FAM199X: variants seen among roughly 807,000 people sequenced by gnomAD.
FAM199X encodes protein FAM199X.
Under a neutral mutation model 22.9 loss-of-function variants are expected in FAM199X, and 4 were observed. The ratio of observed to expected loss-of-function variants is 0.17; its 90% CI spans 0.09 to 0.40. The LOEUF is 0.40. Among genes scored for constraint, FAM199X ranks in the 10% least tolerant of loss-of-function variants. The pLI, the probability that FAM199X is intolerant of heterozygous loss-of-function variation, is 1.00. For synonymous variants in FAM199X, 101 were observed against 112.3 expected, an observed-to-expected ratio of 0.90 and a Z score of 0.64; for missense variants, 183 against 306.8, an observed-to-expected ratio of 0.60 and a Z score of 3.01.
In FAM199X at chrX:104,171,218, A is replaced by G. The variant is rs188062843; in HGVS notation, c.197+4236A>G. 5.4e-5 allele frequency among the ~76,000 whole-genome samples: 6 copies of G among 110,897 alleles called. No homozygotes were observed. The Admixed American group carries it at 5.8e-4, about 11-fold the overall frequency. ...ATACCATTGAAAGTCCTTAGTCTGT[A>G]TATTCTTGCTGAAACACCTTGCAGA... is the stretch of plus-strand genomic sequence containing the variant. On this transcript the variant is annotated intron_variant, in intron 1 of 5. Transcript: ENST00000493442.
Position 104,187,982 on chromosome X carries a change from T to C in FAM199X, c.730-58T>C, listed in dbSNP as rs1556379550. On this transcript the variant is annotated intron_variant, in intron 4 of 5. Coordinates refer to ENST00000493442, the MANE Select transcript of FAM199X (RefSeq NM_207318.4). ...GTACAATATTATTTTTCCCCCAGCATTTTGAAGGTAGAACATCAAGGTGCA... is the reference window on the plus strand; with the variant it reads ...GTACAATATTATTTTTCCCCCAGCACTTTGAAGGTAGAACATCAAGGTGCA... The C allele has an allele frequency of 5.2e-6, 6 of 1,161,948 alleles. No homozygotes were observed. The East Asian group carries it at 1.8e-4, about 35-fold the overall frequency.
At chrX:104,171,969 G>A (rs1921363382) in intron 1 of FAM199X, among the ~76,000 whole-genome samples, 1 of 111,754 alleles carries the variant, frequency 8.9e-6, no homozygotes, top group South Asian at 3.7e-4. Flanking sequence ...ACGTCTAGAT[G>A]TACATAGTAC....
chrX:104,182,063 A>T (rs1556378010), intron 2 of FAM199X, among the ~76,000 whole-genome samples: 1 of 100,082 alleles, frequency 1.0e-5, no homozygotes, highest in Non-Finnish European at 2.0e-5. Context: ...ATCTTGGCTC[A>T]CTGCAACCTC....
rs1556379637 is a variant in FAM199X, at chrX:104,188,262, A to G, written c.952A>G (p.Ser318Gly). ...CAACATGAGTCGAGCACACAGTGAC[A>G]GCAACCTGTCTGCAAGTGCAGCAGA... ...SANMSRAHSD[S>G]NLSASAAERI... Residue 318 changes from serine (S) to glycine (G), a missense_variant, in exon 5 of 6, where the codon AGC (serine) becomes GGC (glycine). By Grantham distance (56) the Ser-to-Gly change is moderately conservative. Transcript: ENST00000493442. The G allele has an allele frequency of 8.2e-7, 1 of 1,212,507 alleles. No homozygotes were observed. Among genetic ancestry groups the G allele is most frequent in the East Asian group, 3.0e-5 (1 of 33,877 alleles).
In FAM199X at chrX:104,194,208, C is replaced by G. The variant is rs1227914986; in HGVS notation, c.*4430C>G. On this transcript the variant is annotated 3_prime_UTR_variant, in exon 6 of 6. Coordinates refer to ENST00000493442, the MANE Select transcript of FAM199X (RefSeq NM_207318.4). ...CTCAGAAAAGCTTGTTTGATCTTCT[C>G]TAAATTCTGTATGTAGTACTTTTTT... 9.0e-6 allele frequency: 1 copy of G among 111,339 alleles called. No homozygotes were observed. Among genetic ancestry groups the G allele is most frequent in the African/African-American group, 3.3e-5 (1 of 30,708 alleles). The allele number at this position is 111,339 out of a possible 1,213,427, so 9.2% of individuals were successfully genotyped here.
chrX:104,159,005 C>A, the FAM199X span, among the ~76,000 whole-genome samples: 23 of 111,922 alleles, frequency 2.1e-4, no homozygotes, highest in African/African-American at 7.2e-4. Context: ...TGGGCTTGGC[C>A]AAATTTAAAA....
chrX:104,192,520 G>A lies in FAM199X; in HGVS notation c.*2742G>A, dbSNP rs1486783739. On this transcript the variant is annotated 3_prime_UTR_variant, in exon 6 of 6. Transcript: ENST00000493442. ...GAAACATTTTATTAGAGATCTTATA[G>A]TAGTATCTCAGTTCCTACTACAGCT... 2.7e-5 allele frequency: 3 copies of A among 111,298 alleles called. No individual in the cohort carries two copies. The highest frequency in any genetic ancestry group is 9.8e-5 in the African/African-American group (3 of 30,755). 9.2% of individuals were successfully genotyped at this position (111,298 alleles called of 1,213,427 possible). A position where few individuals can be genotyped will look rare whatever the true frequency, so the allele number is the denominator to read the frequency against.
At chrX:104,177,499 A>G (rs1401253469) in intron 2 of FAM199X, among the ~76,000 whole-genome samples, 1 of 112,046 alleles carries the variant, frequency 8.9e-6, no homozygotes, top group African/African-American at 3.2e-5. Context: ...GAATTGCTGG[A>G]TCATATGATC....
chrX:104,180,476 T>G (rs1451315832), intron 2 of FAM199X, among the ~76,000 whole-genome samples: 1 of 110,889 alleles, frequency 9.0e-6, no homozygotes, highest in East Asian at 2.8e-4. Context: ...TTTTAAATTT[T>G]AATTGCTGGC....
intron 2 of FAM199X, among the ~76,000 whole-genome samples, chrX:104,180,288 C>CTTTT (rs573175887): frequency 7.0e-5 from 5 of 71,220 alleles, no homozygotes; most frequent in Non-Finnish European, 1.4e-4. Flanking sequence ...GCCAGTGTCT[C>CTTTT]TTTTTTTTTT....
intron 5 of FAM199X, 116 bp downstream of exon 5, chrX:104,188,422 G>A: frequency 1.1e-6 from 1 of 905,805 alleles, no homozygotes; most frequent in Non-Finnish European, 1.6e-6. Flanking sequence ...GTGGGTTTTG[G>A]TCTTAATTGA....
At chrX:104,174,249 A>C (rs1271680918) in intron 1 of FAM199X, among the ~76,000 whole-genome samples, 2 of 111,346 alleles carry the variant, frequency 1.8e-5, no homozygotes, top group Non-Finnish European at 3.8e-5. Context: ...TTGAGGCTGC[A>C]GTGAGCTGTG....
Position 104,166,714 on chromosome X carries a change from G to A in FAM199X, c.-72G>A, listed in dbSNP as rs1333407203. ...AGCGTCGGCGACTGCGGACAGGTTA[G>A]AGTGGGGGCAGGGGCGGGCGCGGGA... is the stretch of plus-strand genomic sequence containing the variant. On this transcript the variant is annotated 5_prime_UTR_variant, in exon 1 of 6. Coordinates refer to ENST00000493442, the MANE Select transcript of FAM199X (RefSeq NM_207318.4). The A allele has an allele frequency of 7.9e-6, 8 of 1,015,727 alleles. No individual in the cohort carries two copies. In the East Asian group the frequency reaches 1.0e-4, roughly 13 times the overall value. 83.7% of individuals were successfully genotyped at this position (1,015,727 alleles called of 1,213,427 possible). A position where few individuals can be genotyped will look rare whatever the true frequency, so the allele number is the denominator to read the frequency against.
At chrX:104,174,266 CCACTGTA>C (rs1921434755) in intron 1 of FAM199X, among the ~76,000 whole-genome samples, 1 of 110,935 alleles carries the variant, frequency 9.0e-6, no homozygotes, top group South Asian at 3.8e-4. Flanking sequence ...TGTGTTTGTG[CCACTGTA>C]CTCCAGCCTC....
At chrX:104,181,230 T>C (rs1921643852) in intron 2 of FAM199X, among the ~76,000 whole-genome samples, 1 of 112,789 alleles carries the variant, frequency 8.9e-6, no homozygotes, top group Admixed American at 9.4e-5. Context: ...CTCCCTATGT[T>C]TCACAATTAC....
chrX:104,184,965 GA>G (rs1418889617), intron 2 of FAM199X, among the ~76,000 whole-genome samples: 1 of 105,190 alleles, frequency 9.5e-6, no homozygotes, highest in South Asian at 4.3e-4. Context: ...TAATAGAGAT[GA>G]GGTCTCGCTA....
At chrX:104,163,064 G>A (rs1438890119), upstream of FAM199X, among the ~76,000 whole-genome samples, 1 of 106,616 alleles carries the variant, frequency 9.4e-6, no homozygotes, top group Admixed American at 1.0e-4. Context: ...TTTATCAGCA[G>A]GTTTTGTTGG....
At chrX:104,179,954 T>C (rs781870411) in intron 2 of FAM199X, among the ~76,000 whole-genome samples, 1 of 108,258 alleles carries the variant, frequency 9.2e-6, no homozygotes, top group East Asian at 2.9e-4. Flanking sequence ...AACTTTTTCA[T>C]GATATTGATA....
rs1170794300 is a variant in FAM199X at position 104,183,475 on chromosome X, G to GT, written c.418-2580dup. ...GAGATTTTATGTTTTGTTTTCTTTT[G>GT]TTTTTTTTTTTGAGATGGTCGCTCT... On this transcript the variant is annotated intron_variant, in intron 2 of 5. Transcript: ENST00000493442. Among the ~76,000 whole-genome samples the GT allele has an allele frequency of 1.7e-3, 176 of 103,188 alleles. 1 individual carries two copies. In the Middle Eastern group the frequency reaches 0.02, roughly 12 times the overall value. The allele number at this position is 103,188 out of a possible 115,157, so 89.6% of individuals were successfully genotyped here. A position where few individuals can be genotyped will look rare whatever the true frequency, so the allele number is the denominator to read the frequency against.
Sources: gnomAD v4.1 joint callset for allele counts (sites outside exome capture counted in the v4.1 genomes callset) on GRCh38, gnomAD v4.1.1 for gene constraint, MANE v1.5 for transcripts, NCBI Gene and HGNC (gene_info 2026-07-23, HGNC 2026-07-21) for gene names.